The following NAT16 variants were observed in gnomAD, a reference collection of about 807,000 sequenced individuals.
The protein encoded by NAT16 is probable N-acetyltransferase 16.
A neutral mutation model predicts 15.9 loss-of-function variants in NAT16; 16 were observed. The ratio of observed to expected loss-of-function variants is 1.01; its 90% CI spans 0.68 to 1.53. The LOEUF is 1.53. NAT16 is among the 40% of genes most tolerant of loss of function. NAT16 has a pLI of 0.00. For synonymous variants in NAT16, 260 were observed against 241.9 expected (o/e 1.07, Z -0.69); for missense variants, 572 against 508.4 (o/e 1.13, Z -1.20).
In NAT16 at chr7:101,179,580, G is replaced by GC. The variant is rs903034154; in HGVS notation, c.-5+461dup. ...CGATGAAGTGGGGGCGGGAGAGAAGGCCTAGGGGGTGGGCAGAGGCAGGGG... is the reference window on the plus strand; with the variant it reads ...CGATGAAGTGGGGGCGGGAGAGAAGGCCCTAGGGGGTGGGCAGAGGCAGGGG... On this transcript the variant is annotated intron_variant, in intron 1 of 3. Transcript: ENST00000300303. 2.8e-5 allele frequency among the ~76,000 whole-genome samples: 4 copies of GC among 140,988 alleles called. No individual in the cohort carries two copies. The Admixed American group carries it at 2.8e-4, about 10-fold the overall frequency. The allele number at this position is 140,988 out of a possible 152,430, so 92.5% of individuals were successfully genotyped here.
At chr7:101,175,111 T>C (rs970058302) in intron 1 of NAT16, among the ~76,000 whole-genome samples, 9 of 152,010 alleles carry the variant, frequency 5.9e-5, no homozygotes, top group East Asian at 1.9e-4. Flanking sequence ...CGTGCCACCA[T>C]GCCTGGCTAA....
intron 1 of NAT16, among the ~76,000 whole-genome samples, chr7:101,178,459 C>T (rs903490221): frequency 6.6e-6 from 1 of 151,890 alleles, no homozygotes; most frequent in Non-Finnish European, 1.5e-5. Context: ...AGCCTGGCTC[C>T]GTGGAACTCT....
In NAT16 at chr7:101,172,685, G is replaced by T. The variant is rs759895232; in HGVS notation, c.538-34C>A. On this transcript the variant is annotated intron_variant, in intron 3 of 3. Coordinates refer to ENST00000300303, the MANE Select transcript of NAT16 (RefSeq NM_198571.3). This position sits in a 1 kb window ranked among gnomAD's most constrained non-coding sequence, Gnocchi z 4.2. Reference sequence around the variant, plus strand: ...GGCACGAGTGAGCGCGGGGAGGGGGGGCGCAGCAGGGCTGGCGAGCCCGGC... The same window carrying T: ...GGCACGAGTGAGCGCGGGGAGGGGGTGCGCAGCAGGGCTGGCGAGCCCGGC... The T allele has an allele frequency of 4.2e-6, 6 of 1,417,718 alleles. No homozygotes were observed. Among genetic ancestry groups the T allele is most frequent in the East Asian group, 2.8e-5 (1 of 35,878 alleles). 87.8% of individuals were successfully genotyped at this position (1,417,718 alleles called of 1,614,324 possible).
Position 101,174,716 on chromosome 7 carries a change from G to C in NAT16, c.92C>G (p.Thr31Ser). Residue 31 changes from threonine to serine, a missense_variant, in exon 2 of 4, where the codon ACC (threonine) becomes AGC (serine). Transcript: ENST00000300303. ...CTCGGCCTCCACCTCCTGTGGCCGGGTTTCAGAGCTTGGCTCTGCATCTCG... is the reference window on the plus strand; with the variant it reads ...CTCGGCCTCCACCTCCTGTGGCCGGCTTTCAGAGCTTGGCTCTGCATCTCG... ...TARDAEPSSE[T>S]RPQEVEAEPR... is the part of the protein sequence containing the mutation. 1 of 1,612,710 alleles carries C rather than the reference G, an allele frequency of 6.2e-7. No homozygotes were observed. The highest frequency in any genetic ancestry group is 1.1e-5 in the South Asian group (1 of 91,088).
At chr7:101,178,197 G>A (rs1797508339) in intron 1 of NAT16, among the ~76,000 whole-genome samples, 1 of 152,134 alleles carries the variant, frequency 6.6e-6, no homozygotes, top group Admixed American at 6.5e-5. Flanking sequence ...GGGTAGGGGT[G>A]GACGTGGGGA....
At position 101,174,762 on chromosome 7, in the gene NAT16, T is replaced by C; in HGVS notation, c.46A>G (p.Lys16Glu). 6.2e-7 allele frequency: 1 copy of C among 1,600,620 alleles called. No homozygotes were observed. The highest frequency in any genetic ancestry group is 8.5e-7 in the Non-Finnish European group (1 of 1,176,060). Residue 16 changes from lysine (K) to glutamate (E), a missense_variant, in exon 2 of 4, where the codon AAG becomes GAG. Coordinates refer to ENST00000300303, the MANE Select transcript of NAT16 (RefSeq NM_198571.3). ...TCTCGGGCAGTCTTCTTTTCCGGCT[T>C]AGGGACCTCTGAGGTGGCTGTGCCA... ...SCGTATSEVP[K>E]PEKKTARDAE...
In NAT16 at chr7:101,172,618, G is replaced by C. The variant is rs766793827; in HGVS notation, c.571C>G (p.Leu191Val). The change falls in exon 4 of 4, where the codon CTG becomes GTG. Residue 191 changes from leucine (L) to valine (V), a missense_variant. By Grantham distance (32) the Leu-to-Val change is conservative. Transcript: ENST00000300303. The surrounding 1 kb of genome is among the most constrained non-coding windows in gnomAD (Gnocchi z 4.2). ...ILLVRFNASA[L>V]LAGLGARLAA... ...AGCCGCGCGCCCAGCCCGGCCAGCA[G>C]CGCGGACGCGTTGAATCGGACCAAA... 15 of 1,524,794 alleles carry C rather than the reference G, an allele frequency of 9.8e-6. No individual in the cohort carries two copies. The Admixed American group carries it at 3.0e-4, about 31-fold the overall frequency. 94.5% of individuals were successfully genotyped at this position (1,524,794 alleles called of 1,614,324 possible).
At chr7:101,175,920 T>C (rs1242032839) in intron 1 of NAT16, among the ~76,000 whole-genome samples, 1 of 56,220 alleles carries the variant, frequency 1.8e-5, no homozygotes, top group Non-Finnish European at 3.4e-5. Context: ...AGAACCTGTG[T>C]CAAAAAAAAA....
rs1224628943 is a variant in NAT16 at position 101,172,365 on chromosome 7, C to A, written c.824G>T (p.Arg275Leu). 6.4e-7 allele frequency: 1 copy of A among 1,573,492 alleles called. No homozygotes were observed. Among genetic ancestry groups the A allele is most frequent in the South Asian group, 1.1e-5 (1 of 87,810 alleles). ...GGGGCGCGTGCACAGCGTGAGCACG[C>A]GCGGGCGCGCGCGGCTGTCCACGCG... ...EWRVDSRARP[R>L]VLTLCTRPFP... Residue 275 changes from arginine (R) to leucine (L), a missense_variant, in exon 4 of 4, where the codon CGC (arginine) becomes CTC (leucine). By Grantham distance (102) the Arg-to-Leu change is moderately radical. Coordinates refer to ENST00000300303, the MANE Select transcript of NAT16 (RefSeq NM_198571.3). This position sits in a 1 kb window ranked among gnomAD's most constrained non-coding sequence, Gnocchi z 4.2.
In NAT16 at chr7:101,172,609, C is replaced by T. The variant is rs987020746; in HGVS notation, c.580G>A (p.Gly194Arg). 9 of 1,525,678 alleles carry T rather than the reference C, an allele frequency of 5.9e-6. No individual in the cohort carries two copies. The highest frequency in any genetic ancestry group is 7.9e-6 in the Non-Finnish European group (9 of 1,144,844). The allele number at this position is 1,525,678 out of a possible 1,614,324, so 94.5% of individuals were successfully genotyped here. The stretch of plus-strand genomic sequence containing the variant: ...AGCGCCGCCAGCCGCGCGCCCAGCC[C>T]GGCCAGCAGCGCGGACGCGTTGAAT... ...VRFNASALLA[G>R]LGARLAALRT... is the part of the protein sequence containing the mutation. Residue 194 changes from glycine to arginine, a missense_variant, in exon 4 of 4, where the codon GGG becomes AGG. By Grantham distance (125) the Gly-to-Arg change is moderately radical. Coordinates refer to ENST00000300303, the MANE Select transcript of NAT16 (RefSeq NM_198571.3). The surrounding 1 kb of genome is among the most constrained non-coding windows in gnomAD (Gnocchi z 4.2).
intron 1 of NAT16, among the ~76,000 whole-genome samples, chr7:101,177,149 G>A (rs1199435497): frequency 1.3e-5 from 2 of 152,102 alleles, no homozygotes. Flanking sequence ...AGGAAGCCAG[G>A]CTCAGAGGAT....
chr7:101,172,044 G>C lies in NAT16; in HGVS notation c.*35C>G. 1 of 1,442,444 alleles carries C rather than the reference G, an allele frequency of 6.9e-7. No individual in the cohort carries two copies. The highest frequency in any genetic ancestry group is 9.6e-7 in the Non-Finnish European group (1 of 1,039,812). The allele number at this position is 1,442,444 out of a possible 1,614,324, so 89.4% of individuals were successfully genotyped here. A position where few individuals can be genotyped will look rare whatever the true frequency, so the allele number is the denominator to read the frequency against. On this transcript the variant is annotated 3_prime_UTR_variant, in exon 4 of 4. Coordinates refer to ENST00000300303, the MANE Select transcript of NAT16 (RefSeq NM_198571.3). This position sits in a 1 kb window ranked among gnomAD's most constrained non-coding sequence, Gnocchi z 4.2. ...GGCTGGGGAAACTGCGGAAGGGGGC[G>C]GGTCTTTTTCCCCCTCCCCGCCAGA... is the stretch of plus-strand genomic sequence containing the variant.
chr7:101,172,048 C>A lies in NAT16; in HGVS notation c.*31G>T. On this transcript the variant is annotated 3_prime_UTR_variant, in exon 4 of 4. Transcript: ENST00000300303. This position sits in a 1 kb window ranked among gnomAD's most constrained non-coding sequence, Gnocchi z 4.2. ...GGGGAAACTGCGGAAGGGGGCGGGTCTTTTTCCCCCTCCCCGCCAGAGGAG... is the reference window on the plus strand; with the variant it reads ...GGGGAAACTGCGGAAGGGGGCGGGTATTTTTCCCCCTCCCCGCCAGAGGAG... The A allele has an allele frequency of 1.3e-6, 2 of 1,490,932 alleles. No homozygotes were observed. The highest frequency in any genetic ancestry group is 9.2e-7 in the Non-Finnish European group (1 of 1,084,130). The allele number at this position is 1,490,932 out of a possible 1,614,324, so 92.4% of individuals were successfully genotyped here. A position where few individuals can be genotyped will look rare whatever the true frequency, so the allele number is the denominator to read the frequency against.
intron 1 of NAT16, among the ~76,000 whole-genome samples, chr7:101,175,760 T>C (rs1330407733): frequency 6.6e-6 from 1 of 151,888 alleles, no homozygotes; most frequent in Non-Finnish European, 1.5e-5. Context: ...AGACTCTGTC[T>C]ATAAAAAAAA....
Position 101,172,271 on chromosome 7 carries a change from G to C in NAT16, c.918C>G (p.Gly306=), listed in dbSNP as rs144022165. The C allele has an allele frequency of 1.1e-4, 173 of 1,612,466 alleles. No homozygotes were observed. In the African/African-American group the frequency reaches 1.8e-3, roughly 17 times the overall value. ...YLNIDAFGSD[G]AQVQSQLLWH... ...ACAGCAGCTGGCTCTGCACCTGCGC[G>C]CCGTCGCTACCGAAGGCGTCGATGT... The change falls in exon 4 of 4, where the codon GGC becomes GGG. Residue 306 remains glycine, a synonymous_variant. Transcript: ENST00000300303. This position sits in a 1 kb window ranked among gnomAD's most constrained non-coding sequence, Gnocchi z 4.2.
At position 101,173,424 on chromosome 7, in the gene NAT16, C is replaced by T; in HGVS notation, c.409G>A (p.Gly137Arg). 1 of 1,612,982 alleles carries T rather than the reference C, an allele frequency of 6.2e-7. No homozygotes were observed. Among genetic ancestry groups the T allele is most frequent in the Middle Eastern group, 1.7e-4 (1 of 6,008 alleles). The part of the protein sequence containing the change: ...APWERGKGVA[G>R]LLQRFCSQLV... ...TGCGAGCAGAAGCGCTGCAGCAGCC[C>T]GGCCACGCCCTTCCCGCGCTCCCAG... is the stretch of plus-strand genomic sequence containing the variant. The change falls in exon 3 of 4, where the codon GGG becomes AGG. Residue 137 changes from glycine (G) to arginine (R), a missense_variant. Gly to Arg is a moderately radical substitution (Grantham distance 125). Coordinates refer to ENST00000300303, the MANE Select transcript of NAT16 (RefSeq NM_198571.3).
chr7:101,175,924 A>C (rs1212451967), intron 1 of NAT16, among the ~76,000 whole-genome samples: 2 of 36,252 alleles, frequency 5.5e-5, no homozygotes, highest in Non-Finnish European at 1.6e-4. Flanking sequence ...CCTGTGTCAA[A>C]AAAAAAAAAA....
At chr7:101,178,208 G>C (rs1797508660) in intron 1 of NAT16, among the ~76,000 whole-genome samples, 1 of 152,180 alleles carries the variant, frequency 6.6e-6, no homozygotes, top group African/African-American at 2.4e-5. Context: ...GACGTGGGGA[G>C]TTCCCAGAGT....
At chr7:101,173,787 T>G (rs2010005) in intron 2 of NAT16, 288,311 of 492,012 alleles carry the variant, frequency 0.59, 87,220 homozygotes, top group Admixed American at 0.64. Context: ...GCAGTGGTGC[T>G]ATCACAGCTC....
Sources: gnomAD v4.1 joint callset for allele counts (sites outside exome capture counted in the v4.1 genomes callset) on GRCh38, gnomAD v4.1.1 for gene constraint, Gnocchi (gnomAD v3.1) non-coding constraint, MANE v1.5 for transcripts, NCBI Gene and HGNC (gene_info 2026-07-23, HGNC 2026-07-21) for gene names.